PVT1: variants seen among roughly 807,000 people sequenced by gnomAD.
PVT1 encodes the protein CXCR4/PVT1 fusion.
chr8:127,896,700 T>C (rs1815681487), intron 3 of PVT1, among the ~76,000 whole-genome samples: 1 of 152,082 alleles, frequency 6.6e-6, no homozygotes, highest in Admixed American at 6.5e-5. Context: ...TGCCATGTGA[T>C]TTGCTGCATC....
intron 2 of PVT1, among the ~76,000 whole-genome samples, chr8:127,797,006 G>A (rs1296009148): frequency 1.3e-5 from 2 of 151,176 alleles, no homozygotes; most frequent in African/African-American, 4.9e-5. Context: ...AGCCTCCCAA[G>A]TAGCTAGGAT....
chr8:127,821,263 C>T (rs1042769590), intron 2 of PVT1, among the ~76,000 whole-genome samples: 2 of 152,046 alleles, frequency 1.3e-5, no homozygotes, highest in African/African-American at 4.8e-5. Context: ...ATATGGTAGC[C>T]GCTAGCCACT....
At chr8:127,796,140 GT>G in intron 2 of PVT1, 1 of 168,544 alleles carries the variant, frequency 5.9e-6, no homozygotes. Context: ...TTGTGTTGCT[GT>G]TTTGCCTGGT....
intron 3 of PVT1, among the ~76,000 whole-genome samples, chr8:127,896,180 A>G (rs185382554): frequency 1.3e-5 from 2 of 152,260 alleles, no homozygotes; most frequent in African/African-American, 4.8e-5. Flanking sequence ...TTCAGCAGAC[A>G]TTTACTGAGG....
chr8:128,085,294 A>C (rs1471106811), intron 5 of PVT1, among the ~76,000 whole-genome samples: 1 of 152,158 alleles, frequency 6.6e-6, no homozygotes, highest in East Asian at 1.9e-4. Flanking sequence ...CTGACATCTG[A>C]CTACAAGGGC....
At chr8:127,879,485 C>A (rs545181627) in intron 2 of PVT1, among the ~76,000 whole-genome samples, 1 of 152,260 alleles carries the variant, frequency 6.6e-6, no homozygotes, top group Non-Finnish European at 1.5e-5. Context: ...GCTGAGATCA[C>A]GCCACTGCAC....
chr8:127,839,020 C>A (rs1814942489), intron 2 of PVT1, among the ~76,000 whole-genome samples: 1 of 152,152 alleles, frequency 6.6e-6, no homozygotes, highest in Admixed American at 6.5e-5. Flanking sequence ...AGGACTGCAG[C>A]CTAGAAGCAG....
chr8:127,813,208 C>T (rs932766828), intron 2 of PVT1, among the ~76,000 whole-genome samples: 9 of 117,746 alleles, frequency 7.6e-5, no homozygotes, highest in Non-Finnish European at 1.6e-4. Flanking sequence ...ATATAATATA[C>T]AAATATATAT....
intron 3 of PVT1, among the ~76,000 whole-genome samples, chr8:127,926,984 T>TC (rs1485845209): frequency 1.3e-5 from 2 of 151,964 alleles, no homozygotes; most frequent in African/African-American, 4.8e-5. Context: ...CTCCGTTCAT[T>TC]CCCCCGAACA....
intron 2 of PVT1, among the ~76,000 whole-genome samples, chr8:127,844,799 C>T (rs973257920): frequency 3.3e-5 from 5 of 151,902 alleles, no homozygotes; most frequent in African/African-American, 1.2e-4. Context: ...CTGCAAGCTC[C>T]GCCTCCTGGG....
At position 127,900,592 on chromosome 8, in the gene PVT1, C is replaced by T. The variant is rs78410846; in HGVS notation, n.782+9594C>T. Among the ~76,000 whole-genome samples, 60 of 152,312 alleles carry T rather than the reference C, an allele frequency of 3.9e-4. No homozygotes were observed. In the East Asian group the frequency reaches 9.3e-3, roughly 23 times the overall value. ...TCTGCACTTTCCTCTTTTCTCCCGG[C>T]GCTATGCTGGGCAGATGATGCTACT... On this transcript the variant is annotated intron_variant and non_coding_transcript_variant, in intron 3 of 10. Coordinates refer to ENST00000651587, the Ensembl canonical transcript of PVT1.
At chr8:127,874,390 G>A (rs1381518971) in intron 2 of PVT1, among the ~76,000 whole-genome samples, 3 of 152,170 alleles carry the variant, frequency 2.0e-5, no homozygotes, top group Non-Finnish European at 4.4e-5. Flanking sequence ...AGGTACAGAA[G>A]CCCAGAGGAG....
intron 3 of PVT1, among the ~76,000 whole-genome samples, chr8:127,957,707 C>G (rs1315457300): frequency 6.6e-6 from 1 of 152,180 alleles, no homozygotes; most frequent in African/African-American, 2.4e-5. Context: ...CGTTCCTCTT[C>G]AGGCCTTCCC....
intron 4 of PVT1, among the ~76,000 whole-genome samples, chr8:127,996,842 T>C (rs776954174): frequency 1.8e-4 from 27 of 152,108 alleles, no homozygotes; most frequent in Non-Finnish European, 3.7e-4. Context: ...AAAGGAGACC[T>C]GAACCTGGCT....
intron 4 of PVT1, among the ~76,000 whole-genome samples, chr8:128,015,200 G>A (rs984410888): frequency 1.6e-4 from 24 of 151,886 alleles, no homozygotes; most frequent in African/African-American, 4.8e-4. Flanking sequence ...AGCGATTCTC[G>A]TGCCTCAGCC....
chr8:127,958,121 T>A (rs527970838), intron 3 of PVT1, among the ~76,000 whole-genome samples: 105 of 152,358 alleles, frequency 6.9e-4, no homozygotes, highest in Non-Finnish European at 2.9e-5. Flanking sequence ...CTGATCTAAG[T>A]GTGGAGGAGG....
At chr8:127,996,787 G>T (rs1344400936) in intron 4 of PVT1, 1 of 152,250 alleles carries the variant, frequency 6.6e-6, no homozygotes, top group African/African-American at 2.4e-5. Flanking sequence ...GGTCGGGGGT[G>T]TGAGGGTTAG....
intron 3 of PVT1, among the ~76,000 whole-genome samples, chr8:127,969,928 T>C (rs1816744403): frequency 6.6e-6 from 1 of 152,178 alleles, no homozygotes; most frequent in South Asian, 2.1e-4. Flanking sequence ...GTCCATCCAG[T>C]CTGGGCGATA....
At chr8:127,932,539 G>T (rs761960376) in intron 3 of PVT1, 2 of 398,376 alleles carry the variant, frequency 5.0e-6, no homozygotes, top group Non-Finnish European at 8.8e-6. Flanking sequence ...AACTCCCCAC[G>T]CTGTGGCTGA....
Sources: gnomAD v4.1 joint callset for allele counts (sites outside exome capture counted in the v4.1 genomes callset) on GRCh38, gnomAD v4.1.1 for gene constraint, MANE v1.5 for transcripts, NCBI Gene and HGNC (gene_info 2026-07-23, HGNC 2026-07-21) for gene names.